The following STAB2 variants were observed in gnomAD, a reference collection of about 807,000 sequenced individuals.
STAB2 encodes the protein stabilin-2.
Under a neutral mutation model 338.1 loss-of-function variants are expected in STAB2, and 288 were observed. The ratio of observed to expected loss-of-function variants is 0.85; its 90% CI spans 0.77 to 0.94. The LOEUF is 0.94. Among genes scored for constraint, STAB2 ranks in the 40% least tolerant of loss-of-function variants. STAB2 has a pLI of 0.00. For synonymous variants in STAB2, 1,202 were observed against 1,193.3 expected (o/e 1.01, Z -0.15); for missense variants, 3,141 against 3,210.1 (o/e 0.98, Z 0.52).
chr12:103,748,826 T>C (rs879510739), intron 58 of STAB2, 137 bp from the exon 59 acceptor site: 1 of 847,760 alleles, frequency 1.2e-6, no homozygotes, highest in African/African-American at 1.7e-5. Context: ...CCACAGGGCA[T>C]GGAGAGAGAA....
At position 103,587,440 on chromosome 12, in the gene STAB2, CAG is replaced by C; in HGVS notation, c.-36_-35del. 1 of 1,554,856 alleles carries C rather than the reference CAG, an allele frequency of 6.4e-7. No individual in the cohort carries two copies. Among genetic ancestry groups the C allele is most frequent in the South Asian group, 1.1e-5 (1 of 88,004 alleles). ...AGTTAAAATAGCTAAGTCAGCCTGA[CAG>C]GTGCTTGGCACAGAGAAGGAGCAAA... On this transcript the variant is annotated 5_prime_UTR_variant, in exon 1 of 69. Coordinates refer to ENST00000388887, the MANE Select transcript of STAB2 (RefSeq NM_017564.10).
intron 68 of STAB2, among the ~76,000 whole-genome samples, chr12:103,764,574 G>GAACTT (rs887672586): frequency 6.6e-6 from 1 of 152,138 alleles, no homozygotes; most frequent in Non-Finnish European, 1.5e-5. Flanking sequence ...CATAGGAATA[G>GAACTT]AACTTAATTT....
intron 30 of STAB2, among the ~76,000 whole-genome samples, chr12:103,692,241 C>G (rs1249299688): frequency 6.6e-6 from 1 of 152,196 alleles, no homozygotes; most frequent in Non-Finnish European, 1.5e-5. Flanking sequence ...TGTCTCTGTA[C>G]AAATTCCTGC....
At chr12:103,758,525 A>G (rs576523072) in intron 64 of STAB2, among the ~76,000 whole-genome samples, 5 of 152,334 alleles carry the variant, frequency 3.3e-5, no homozygotes. Flanking sequence ...ATCGTCCAAC[A>G]GGCTAGCCCA....
chr12:103,708,459 G>GGA lies in STAB2; in HGVS notation c.4214_4215dup (p.Cys1406AspfsTer156). On this transcript the variant is annotated frameshift_variant, in exon 39 of 69. Coordinates refer to ENST00000388887, the MANE Select transcript of STAB2 (RefSeq NM_017564.10). LOFTEE classifies it high-confidence loss of function. ...CACTTAGCATGTTCTTGTGTCCATG[G>GGA]GAGATGCAACCAAGGACCCTTGGGA... The GGA allele has an allele frequency of 6.2e-7, 1 of 1,614,092 alleles. No homozygotes were observed. Among genetic ancestry groups the GGA allele is most frequent in the Non-Finnish European group, 8.5e-7 (1 of 1,179,982 alleles).
rs181357738 is a variant in STAB2 at position 103,682,890 on chromosome 12, G to A, written c.2806-315G>A. Among the ~76,000 whole-genome samples, 70 of 152,278 alleles carry A rather than the reference G, an allele frequency of 4.6e-4. 2 individuals carry two copies. The highest frequency in any genetic ancestry group is 4.6e-3 in the Admixed American group (70 of 15,284). On this transcript the variant is annotated intron_variant, in intron 25 of 68. Coordinates refer to ENST00000388887, the MANE Select transcript of STAB2 (RefSeq NM_017564.10). ...TTGAACCTGGGAGGCAGAAGTTGCA[G>A]TGAGCCAAGATCATGCTATTGCACT...
At chr12:103,620,447 C>G (rs1369493838) in intron 3 of STAB2, 21 bp from the exon 4 acceptor site, 1 of 1,564,174 alleles carries the variant, frequency 6.4e-7, no homozygotes, top group South Asian at 1.2e-5. Context: ...ATGAATACAT[C>G]TGAGCTGTTT....
At chr12:103,678,942 G>A (rs1057357775) in intron 25 of STAB2, among the ~76,000 whole-genome samples, 8 of 152,266 alleles carry the variant, frequency 5.3e-5, no homozygotes, top group South Asian at 2.1e-4. Context: ...ATGGAACATC[G>A]GTCCTGCGGG....
chr12:103,659,582 C>G (rs376390354), intron 15 of STAB2, among the ~76,000 whole-genome samples: 42 of 152,320 alleles, frequency 2.8e-4, no homozygotes, highest in African/African-American at 1.0e-3. Context: ...AGATAAATTA[C>G]AGCAGACCAC....
intron 3 of STAB2, among the ~76,000 whole-genome samples, chr12:103,601,597 G>T (rs1956955462): frequency 6.6e-6 from 1 of 152,064 alleles, no homozygotes; most frequent in African/African-American, 2.4e-5. Flanking sequence ...ATGTCAAAAA[G>T]AAAAGAAAAA....
chr12:103,637,345 G>T (rs534120611), intron 7 of STAB2, 109 bp downstream of exon 7: 8 of 1,430,384 alleles, frequency 5.6e-6, no homozygotes, highest in South Asian at 1.3e-5. Context: ...TCTATTTCTC[G>T]CTGTGTAGTT....
chr12:103,653,187 C>T (rs1873874067), intron 12 of STAB2, among the ~76,000 whole-genome samples: 1 of 152,134 alleles, frequency 6.6e-6, no homozygotes, highest in Non-Finnish European at 1.5e-5. Context: ...ACCCCACCCC[C>T]ACTTCTTAAC....
intron 49 of STAB2, among the ~76,000 whole-genome samples, chr12:103,730,900 A>G (rs1881582610): frequency 6.6e-6 from 1 of 152,078 alleles, no homozygotes; most frequent in South Asian, 2.1e-4. Flanking sequence ...AATACAAAAA[A>G]CTAGCCAGGT....
Position 103,665,039 on chromosome 12 carries a change from T to A in STAB2, c.2023-1252T>A, listed in dbSNP as rs1874953360. On this transcript the variant is annotated intron_variant, in intron 18 of 68. Transcript: ENST00000388887. ...ACAGAATCAAGATGTGGGTTTGAGC[T>A]ACAACCCAAAGAATTTTGGTTACAT... 2.0e-5 allele frequency among the ~76,000 whole-genome samples: 3 copies of A among 152,206 alleles called. No individual in the cohort carries two copies. The South Asian group carries it at 6.2e-4, about 32-fold the overall frequency.
At chr12:103,723,682 G>A (rs1222278629) in intron 44 of STAB2, among the ~76,000 whole-genome samples, 1 of 152,212 alleles carries the variant, frequency 6.6e-6, no homozygotes, top group Non-Finnish European at 1.5e-5. Context: ...AGAAGTTAGA[G>A]TGGGGCCCAG....
intron 3 of STAB2, among the ~76,000 whole-genome samples, chr12:103,595,034 A>G (rs1245598798): frequency 6.6e-6 from 1 of 152,014 alleles, no homozygotes; most frequent in East Asian, 1.9e-4. Context: ...ATACATAAAA[A>G]TTAATTCTGA....
intron 3 of STAB2, among the ~76,000 whole-genome samples, chr12:103,597,604 T>C (rs1956896399): frequency 6.6e-6 from 1 of 152,212 alleles, no homozygotes; most frequent in African/African-American, 2.4e-5. Context: ...GGAAGGTATT[T>C]CTACCTGAAT....
At chr12:103,660,564 T>A in intron 16 of STAB2, 119 bp from the exon 17 acceptor site, 1 of 1,335,268 alleles carries the variant, frequency 7.5e-7, no homozygotes, top group Non-Finnish European at 1.1e-6. Flanking sequence ...ACTCTTGAGA[T>A]CAAAACTCCC....
intron 1 of STAB2, 111 bp from the exon 2 acceptor site, chr12:103,590,786 C>G: frequency 7.8e-7 from 1 of 1,279,938 alleles, no homozygotes; most frequent in Non-Finnish European, 1.1e-6. Context: ...CCATCCCTGA[C>G]GTTCCATTGA....
Sources: gnomAD v4.1 joint callset for allele counts (sites outside exome capture counted in the v4.1 genomes callset) on GRCh38, gnomAD v4.1.1 for gene constraint, MANE v1.5 for transcripts, NCBI Gene and HGNC (gene_info 2026-07-23, HGNC 2026-07-21) for gene names.